SNAPC3: variants seen among roughly 807,000 people sequenced by gnomAD.
SNAPC3 encodes snRNA-activating protein complex subunit 3.
SNAPC3 carries 56 observed loss-of-function variants against 47.7 expected under a neutral mutation model. The ratio of observed to expected loss-of-function variants is 1.18; its 90% confidence interval spans 0.95 to 1.47. SNAPC3 has a LOEUF of 1.47. SNAPC3 is among the 40% of genes most tolerant of loss of function. The pLI, the probability that SNAPC3 is intolerant of heterozygous loss-of-function variation, is 0.00. For synonymous variants in SNAPC3, 235 were observed against 189.9 expected (o/e 1.24, Z -1.95); for missense variants, 665 against 511.3 (o/e 1.30, Z -2.90).
chr9:15,447,223 AG>A lies in SNAPC3; in HGVS notation c.712del (p.Ala238ProfsTer33), dbSNP rs745480443. 1.2e-6 allele frequency: 2 copies of A among 1,614,182 alleles called. No homozygotes were observed. The highest frequency in any genetic ancestry group is 1.7e-6 in the Non-Finnish European group (2 of 1,180,006). ...GTGAATTCAGCAACACTCCTGACCA[AG>A]CCCCTGAGCACATCAGCAAAGTAAG... is the stretch of plus-strand genomic sequence containing the variant. The part of the protein sequence containing the change: ...GGEFSNTPDQ[A>X]PEHISKDLYK... On this transcript the variant is annotated frameshift_variant, in exon 5 of 9. Coordinates refer to ENST00000380821, the MANE Select transcript of SNAPC3 (RefSeq NM_001039697.2). LOFTEE classifies it high-confidence loss of function.
chr9:15,454,702 C>T (rs1034368664), intron 7 of SNAPC3, among the ~76,000 whole-genome samples: 1 of 152,172 alleles, frequency 6.6e-6, no homozygotes, highest in East Asian at 1.9e-4. Flanking sequence ...CTTTGGGAGG[C>T]CAAGGCGGGC....
intron 2 of SNAPC3, among the ~76,000 whole-genome samples, chr9:15,427,827 A>C (rs1587155098): frequency 6.6e-6 from 1 of 152,218 alleles, no homozygotes; most frequent in Non-Finnish European, 1.5e-5. Context: ...TGGAGAACTC[A>C]AAACTCCTAT....
At chr9:15,435,006 A>G (rs960331240) in intron 3 of SNAPC3, among the ~76,000 whole-genome samples, 3 of 152,154 alleles carry the variant, frequency 2.0e-5, no homozygotes, top group Non-Finnish European at 4.4e-5. Flanking sequence ...TTTCATAGCA[A>G]TGATACCGTA....
chr9:15,435,677 C>A (rs1176033893), intron 3 of SNAPC3, among the ~76,000 whole-genome samples: 1 of 151,086 alleles, frequency 6.6e-6, no homozygotes, highest in African/African-American at 2.4e-5. Flanking sequence ...TGCAGCGAGC[C>A]CAGATTGTGC....
At chr9:15,458,119 T>C (rs776867236) in intron 8 of SNAPC3, 52 bp downstream of exon 8, 56 of 968,016 alleles carry the variant, frequency 5.8e-5, no homozygotes, top group Non-Finnish European at 8.3e-5. Flanking sequence ...GTTTTGACTT[T>C]TGGTATTTTG....
intron 3 of SNAPC3, 49 bp from the exon 4 acceptor site, chr9:15,444,553 T>G (rs2033771716): frequency 8.3e-7 from 1 of 1,205,904 alleles, no homozygotes; most frequent in African/African-American, 1.5e-5. Context: ...ACACTGCATC[T>G]TATCTGAGTT....
intron 7 of SNAPC3, chr9:15,453,641 T>C (rs2034561707): frequency 1.3e-5 from 2 of 153,100 alleles, no homozygotes; most frequent in Admixed American, 1.3e-4. Context: ...TCTTAATGCT[T>C]TGACAAAGAT....
At chr9:15,428,062 G>C (rs1179262058) in intron 2 of SNAPC3, among the ~76,000 whole-genome samples, 1 of 136,090 alleles carries the variant, frequency 7.3e-6, no homozygotes, top group Non-Finnish European at 1.5e-5. Context: ...AGTGAGCTGA[G>C]ATCGCGCCAT....
chr9:15,432,561 C>T (rs914390310), intron 2 of SNAPC3, among the ~76,000 whole-genome samples: 4 of 152,058 alleles, frequency 2.6e-5, no homozygotes, highest in Non-Finnish European at 5.9e-5. Context: ...AAGGAGAGGA[C>T]TTGCTGAAAG....
intron 5 of SNAPC3, among the ~76,000 whole-genome samples, chr9:15,449,035 C>T (rs918778010): frequency 6.6e-6 from 1 of 152,020 alleles, no homozygotes; most frequent in African/African-American, 2.4e-5. Flanking sequence ...GTGTCGAACT[C>T]CTGACTTCAG....
At chr9:15,441,383 C>CTTTTTTTTTTTTTTTTT (rs77103785) in intron 3 of SNAPC3, among the ~76,000 whole-genome samples, 106 of 59,528 alleles carry the variant, frequency 1.8e-3, no homozygotes, top group Non-Finnish European at 2.2e-3. Flanking sequence ...GTTCCCTTTT[C>CTTTTTTTTTTTTTTTTT]TTTTTTTTTT....
At chr9:15,423,828 GTATT>G in intron 1 of SNAPC3, 77 bp from the exon 2 acceptor site, 1 of 739,742 alleles carries the variant, frequency 1.4e-6, no homozygotes, top group African/African-American at 1.8e-5. Flanking sequence ...ATTCAGTAAT[GTATT>G]TAGGAAAACA....
intron 3 of SNAPC3, among the ~76,000 whole-genome samples, chr9:15,435,430 G>C (rs7037580): frequency 6.6e-6 from 1 of 151,858 alleles, no homozygotes; most frequent in Admixed American, 6.6e-5. Context: ...AAAATTAGCC[G>C]GGCGTGGTGG....
At chr9:15,444,791 C>G in intron 4 of SNAPC3, 85 bp downstream of exon 4, 1 of 723,854 alleles carries the variant, frequency 1.4e-6, no homozygotes, top group South Asian at 1.8e-5. Flanking sequence ...TATTCCTATG[C>G]TTACATTAAA....
At chr9:15,425,336 G>C (rs1055862794) in intron 2 of SNAPC3, among the ~76,000 whole-genome samples, 1 of 152,142 alleles carries the variant, frequency 6.6e-6, no homozygotes, top group Admixed American at 6.5e-5. Flanking sequence ...TCCTGCCTCA[G>C]CCTCCGGAGT....
chr9:15,442,087 C>A (rs1298521997), intron 3 of SNAPC3, among the ~76,000 whole-genome samples: 6 of 149,782 alleles, frequency 4.0e-5, no homozygotes, highest in Non-Finnish European at 7.4e-5. Flanking sequence ...CCCTCCCGGA[C>A]GGGGCGGCTG....
intron 3 of SNAPC3, among the ~76,000 whole-genome samples, chr9:15,435,259 T>A (rs2032650082): frequency 6.6e-6 from 1 of 152,178 alleles, no homozygotes; most frequent in Non-Finnish European, 1.5e-5. Flanking sequence ...TCAAATTGGG[T>A]TGTTTATCCT....
chr9:15,465,713 CTTG>C (rs879548767), downstream of SNAPC3: 9 of 671,092 alleles, frequency 1.3e-5, no homozygotes, highest in Admixed American at 1.6e-4. Flanking sequence ...AAAAACTTGA[CTTG>C]TTATTAGAAC....
intron 2 of SNAPC3, among the ~76,000 whole-genome samples, chr9:15,425,462 C>T (rs748157148): frequency 1.3e-4 from 20 of 152,162 alleles, no homozygotes; most frequent in Non-Finnish European, 2.6e-4. Flanking sequence ...ATGTGATCTG[C>T]CCAACTCGTT....
Sources: gnomAD v4.1 joint callset for allele counts (sites outside exome capture counted in the v4.1 genomes callset) on GRCh38, gnomAD v4.1.1 for gene constraint, MANE v1.5 for transcripts, NCBI Gene and HGNC (gene_info 2026-07-23, HGNC 2026-07-21) for gene names.